The following TSHR variants were observed in gnomAD, a reference collection of about 807,000 sequenced individuals.
TSHR encodes thyrotropin receptor.
A neutral mutation model predicts 64.1 loss-of-function variants in TSHR; 51 were observed. That is an observed-to-expected ratio of 0.80 (90% CI 0.64 to 1.01). The LOEUF (loss-of-function observed/expected upper bound fraction) is 1.01. Ranked by LOEUF, TSHR falls within the 50% of genes least tolerant of loss-of-function variation. The probability of loss-of-function intolerance (pLI) is 0.00; values close to 1 mark genes in which losing one functional copy is unlikely to be tolerated. For synonymous variants in TSHR, 361 were observed against 361.9 expected (o/e 1.00, Z 0.03); for missense variants, 877 against 942.8 (o/e 0.93, Z 0.91).
chr14:81,101,419 A>G (rs984478078), intron 7 of TSHR, among the ~76,000 whole-genome samples: 1 of 152,234 alleles, frequency 6.6e-6, no homozygotes, highest in South Asian at 2.1e-4. Context: ...CAATTTTACC[A>G]TAGGCTAGTT....
At chr14:81,090,563 G>GGTACTGTTATAATT (rs1442397632) in intron 4 of TSHR, among the ~76,000 whole-genome samples, 12 of 152,064 alleles carry the variant, frequency 7.9e-5, no homozygotes, top group Non-Finnish European at 4.4e-5. Flanking sequence ...TTTTTTAAAT[G>GGTACTGTTATAATT]GTACTGTTAT....
rs59605693 is a variant in TSHR at position 80,968,378 on chromosome 14, C to CT, written c.170+12541dup. On this transcript the variant is annotated intron_variant, in intron 1 of 9. Coordinates refer to ENST00000298171, the MANE Select transcript of TSHR (RefSeq NM_000369.5). ...ATTTTGTAAGAATGAGATGTCCTTA[C>CT]TTTTTTTTTTTTTATTCTTACAAGA... 3.7e-3 allele frequency among the ~76,000 whole-genome samples: 533 copies of CT among 145,888 alleles called. 4 individuals carry two copies. The highest frequency in any genetic ancestry group is 9.5e-3 in the African/African-American group (382 of 40,204).
intron 9 of TSHR, among the ~76,000 whole-genome samples, chr14:81,141,922 G>C (rs1463957696): frequency 6.6e-6 from 1 of 152,112 alleles, no homozygotes. Context: ...GCTATTGTAA[G>C]AGCCTTAAAA....
intron 3 of TSHR, among the ~76,000 whole-genome samples, chr14:81,073,842 T>G (rs1315245344): frequency 6.6e-6 from 1 of 152,136 alleles, no homozygotes; most frequent in Non-Finnish European, 1.5e-5. Flanking sequence ...GAGGATCCAG[T>G]ACAGTAAAGA....
At chr14:81,087,911 T>C (rs1318413502) in intron 3 of TSHR, 43 bp from the exon 4 acceptor site, 1 of 1,340,146 alleles carries the variant, frequency 7.5e-7, no homozygotes, top group Admixed American at 1.7e-5. Flanking sequence ...TAAGAACAGA[T>C]ACGGATGCAT....
intron 1 of TSHR, chr14:80,982,444 C>A: frequency 8.5e-7 from 1 of 1,182,736 alleles, no homozygotes; most frequent in Non-Finnish European, 1.2e-6. Context: ...GGAGTTGGAG[C>A]CTGTGACTGG....
chr14:81,111,333 C>T (rs867080917), intron 8 of TSHR, among the ~76,000 whole-genome samples: 40 of 152,346 alleles, frequency 2.6e-4, no homozygotes, highest in Middle Eastern at 3.4e-3. Flanking sequence ...TGGTAAGAAG[C>T]TATTGGCCAA....
intron 3 of TSHR, among the ~76,000 whole-genome samples, chr14:81,073,027 T>A (rs59036926): frequency 0.37 from 20,368 of 54,930 alleles, 6,039 homozygotes; most frequent in Non-Finnish European, 0.5. Context: ...AATAAATATA[T>A]ATATATATAT....
At chr14:81,121,832 C>T (rs1013609185) in intron 8 of TSHR, among the ~76,000 whole-genome samples, 31 of 151,196 alleles carry the variant, frequency 2.1e-4, no homozygotes, top group African/African-American at 7.0e-4. Flanking sequence ...GTCCCAGCTA[C>T]TTGGGAGGCT....
chr14:81,033,598 T>A (rs1594978025), intron 1 of TSHR, among the ~76,000 whole-genome samples: 1 of 146,416 alleles, frequency 6.8e-6, no homozygotes, highest in Non-Finnish European at 1.5e-5. Flanking sequence ...CTAAGATGAA[T>A]GTTTTCCATA....
chr14:81,119,847 C>A (rs1218273040), intron 8 of TSHR, among the ~76,000 whole-genome samples: 1 of 66,870 alleles, frequency 1.5e-5, no homozygotes, highest in Non-Finnish European at 2.8e-5. Flanking sequence ...TTCTATGCAG[C>A]CATAAAAAAT....
intron 1 of TSHR, among the ~76,000 whole-genome samples, chr14:81,053,990 A>T (rs1885594059): frequency 6.6e-6 from 1 of 152,200 alleles, no homozygotes; most frequent in Non-Finnish European, 1.5e-5. Context: ...ATCTGTGATG[A>T]TAGAAGTCAG....
Position 81,087,869 on chromosome 14 carries a change from G to C in TSHR, c.318-85G>C, listed in dbSNP as rs1267374222. The C allele has an allele frequency of 3.5e-6, 4 of 1,140,352 alleles. No individual in the cohort carries two copies. In the Admixed American group the frequency reaches 6.8e-5, roughly 19 times the overall value. 70.6% of individuals were successfully genotyped at this position (1,140,352 alleles called of 1,614,324 possible). Reference sequence around the variant, plus strand: ...ATGCATATTTTTCTCATGAACGTTTGTTAAAACTGATTTATGTTGTTTTGT... The same window carrying C: ...ATGCATATTTTTCTCATGAACGTTTCTTAAAACTGATTTATGTTGTTTTGT... On this transcript the variant is annotated intron_variant, in intron 3 of 9. Coordinates refer to ENST00000298171, the MANE Select transcript of TSHR (RefSeq NM_000369.5).
intron 7 of TSHR, chr14:81,105,063 T>G (rs1227956464): frequency 2.0e-6 from 2 of 985,390 alleles, no homozygotes; most frequent in Non-Finnish European, 2.4e-6. Flanking sequence ...ATGTTCATCT[T>G]CTCCTTGCAA....
intron 8 of TSHR, among the ~76,000 whole-genome samples, chr14:81,120,759 A>G (rs1034956792): frequency 2.6e-5 from 4 of 152,238 alleles, no homozygotes; most frequent in African/African-American, 9.6e-5. Context: ...AAACAGAAAA[A>G]GGAACTTGGA....
chr14:81,130,547 T>C (rs1891194742), intron 8 of TSHR, among the ~76,000 whole-genome samples: 3 of 152,186 alleles, frequency 2.0e-5, no homozygotes, highest in African/African-American at 7.2e-5. Context: ...AATGTTGGAG[T>C]GCCCCAGGCC....
intron 1 of TSHR, among the ~76,000 whole-genome samples, chr14:80,987,106 C>G (rs1888496753): frequency 6.6e-6 from 1 of 152,136 alleles, no homozygotes; most frequent in Non-Finnish European, 1.5e-5. Flanking sequence ...CTCCTGTATC[C>G]TTAAAAACAA....
chr14:81,035,784 T>C (rs1884593167), intron 1 of TSHR, among the ~76,000 whole-genome samples: 1 of 152,194 alleles, frequency 6.6e-6, no homozygotes, highest in African/African-American at 2.4e-5. Flanking sequence ...ATTGCATAAT[T>C]TGAATGCAGC....
At chr14:80,958,496 A>G (rs1886831190) in intron 1 of TSHR, among the ~76,000 whole-genome samples, 2 of 152,124 alleles carry the variant, frequency 1.3e-5, no homozygotes, top group African/African-American at 4.8e-5. Context: ...ACATTCAGTA[A>G]ACCGACTGAT....
Sources: gnomAD v4.1 joint callset for allele counts (sites outside exome capture counted in the v4.1 genomes callset) on GRCh38, gnomAD v4.1.1 for gene constraint, MANE v1.5 for transcripts, NCBI Gene and HGNC (gene_info 2026-07-23, HGNC 2026-07-21) for gene names.